Variants in EML1 observed in about 807,000 individuals in gnomAD.
EML1 encodes echinoderm microtubule-associated protein-like 1.
Under a neutral mutation model 110.4 loss-of-function variants are expected in EML1, and 27 were observed. The ratio of observed to expected loss-of-function variants is 0.24; its 90% CI spans 0.18 to 0.34. The LOEUF (loss-of-function observed/expected upper bound fraction) is 0.34. Among genes scored for constraint, EML1 ranks in the 10% least tolerant of loss-of-function variants. EML1 has a pLI of 1.00. For synonymous variants in EML1, 344 were observed against 385.8 expected (o/e 0.89, Z 1.27); for missense variants, 741 against 1,030.9 (o/e 0.72, Z 3.85).
intron 17 of EML1, among the ~76,000 whole-genome samples, chr14:99,921,979 G>A (rs533240941): frequency 5.9e-5 from 9 of 152,134 alleles, no homozygotes; most frequent in Middle Eastern, 3.4e-3. Flanking sequence ...TGGACATATC[G>A]TGTAAATGGA....
intron 15 of EML1, among the ~76,000 whole-genome samples, chr14:99,916,274 CACAG>C (rs1317783258): frequency 1.3e-5 from 2 of 152,234 alleles, no homozygotes; most frequent in Non-Finnish European, 2.9e-5. Flanking sequence ...AGATGAATGA[CACAG>C]ACAGAAGTGC....
At chr14:99,855,979 C>T (rs780978225) in intron 2 of EML1, among the ~76,000 whole-genome samples, 4 of 152,198 alleles carry the variant, frequency 2.6e-5, no homozygotes, top group Non-Finnish European at 5.9e-5. Flanking sequence ...GCACTTAACA[C>T]TGATATTCAG....
chr14:99,747,168 G>A (rs8008189), intron 1 of EML1, among the ~76,000 whole-genome samples: 138,548 of 141,312 alleles, frequency 0.98, 67,992 homozygotes, highest in Middle Eastern at 1. Flanking sequence ...AGCCTTGGTG[G>A]CAGAGCTAGA....
intron 1 of EML1, among the ~76,000 whole-genome samples, chr14:99,762,406 C>T (rs546736040): frequency 6.6e-6 from 1 of 152,306 alleles, no homozygotes; most frequent in South Asian, 2.1e-4. Context: ...CTCCTCCAGC[C>T]ATTAACCCCT....
intron 17 of EML1, 81 bp downstream of exon 17, chr14:99,920,958 C>G: frequency 7.5e-7 from 1 of 1,338,564 alleles, no homozygotes; most frequent in South Asian, 1.3e-5. Context: ...CAGGATGTGT[C>G]GGTTTGTTAC....
At chr14:99,741,222 G>A (rs1329020246) in intron 1 of EML1, among the ~76,000 whole-genome samples, 1 of 152,184 alleles carries the variant, frequency 6.6e-6, no homozygotes, top group African/African-American at 2.4e-5. Context: ...CTGCAGAAGT[G>A]TTCAGCCAGC....
intron 13 of EML1, among the ~76,000 whole-genome samples, chr14:99,913,085 C>T (rs1566934391): frequency 6.6e-6 from 1 of 152,084 alleles, no homozygotes; most frequent in Non-Finnish European, 1.5e-5. Context: ...TAGATTATTC[C>T]ATATGTTTAT....
At chr14:99,758,485 G>GGGGGTTC in intron 1 of EML1, among the ~76,000 whole-genome samples, 1 of 152,214 alleles carries the variant, frequency 6.6e-6, no homozygotes, top group South Asian at 2.1e-4. Flanking sequence ...GTTCAGGGCA[G>GGGGGTTC]AGGTTTCAGT....
chr14:99,787,538 CA>C (rs1349025627), intron 1 of EML1, among the ~76,000 whole-genome samples: 1 of 152,094 alleles, frequency 6.6e-6, no homozygotes, highest in Admixed American at 6.6e-5. Context: ...CTTGGCCTCC[CA>C]AAGTGCTGGT....
intron 1 of EML1, among the ~76,000 whole-genome samples, 179 bp downstream of exon 1, chr14:99,793,722 G>A (rs1255843530): frequency 6.8e-6 from 1 of 146,510 alleles, no homozygotes; most frequent in South Asian, 2.1e-4. Flanking sequence ...TGTTGGAGCC[G>A]CGGGGCCGCG....
intron 1 of EML1, among the ~76,000 whole-genome samples, chr14:99,786,226 T>G (rs1265267593): frequency 6.6e-6 from 1 of 152,138 alleles, no homozygotes; most frequent in South Asian, 2.1e-4. Flanking sequence ...AAGGATCTGG[T>G]TGGGTGGAAT....
At chr14:99,863,493 C>T (rs1040394464) in intron 2 of EML1, among the ~76,000 whole-genome samples, 1 of 152,210 alleles carries the variant, frequency 6.6e-6, no homozygotes, top group African/African-American at 2.4e-5. Flanking sequence ...CCCTAGAAGA[C>T]TTCCTGTATG....
exon 1 of EML1, chr14:99,737,850 C>G: frequency 7.8e-7 from 1 of 1,289,252 alleles, no homozygotes; most frequent in Non-Finnish European, 1.0e-6. Context: ...ACGGCGAGGG[C>G]CCCTCCGCCG....
At chr14:99,739,117 A>AGTGT (rs1447642844) in intron 1 of EML1, among the ~76,000 whole-genome samples, 903 of 64,078 alleles carry the variant, frequency 0.014, 6 homozygotes, top group African/African-American at 0.039. Context: ...AGAGAGAGAG[A>AGTGT]GAGTGTGTGT....
Position 99,939,985 on chromosome 14 carries a change from A to G in EML1, c.2323-2A>G. 1.3e-6 allele frequency: 2 copies of G among 1,571,530 alleles called. No individual in the cohort carries two copies. Among genetic ancestry groups the G allele is most frequent in the Non-Finnish European group, 1.7e-6 (2 of 1,159,136 alleles). On this transcript the variant is annotated splice_acceptor_variant, in intron 21 of 21. Transcript: ENST00000262233. LOFTEE classifies it high-confidence loss of function. The surrounding 1 kb of genome is among the most constrained non-coding windows in gnomAD (Gnocchi z 4.2). ...AGCTTTCCCCCGTATCATTCCCTCC[A>G]GGCTCCAAGCCACATCTACGGCGGG...
Position 99,778,681 on chromosome 14 carries a change from G to C in EML1, c.-27+4668G>C, listed in dbSNP as rs929171897. On this transcript the variant is annotated intron_variant, in intron 1 of 22. Transcript: ENST00000327921. ...GGAGGCACAGAAGAGCTAAGTTTTT[G>C]AGATCTTGTGTGACTAGAAATGTCT... Among the ~76,000 whole-genome samples the C allele has an allele frequency of 2.6e-5, 4 of 152,180 alleles. No individual in the cohort carries two copies. The South Asian group carries it at 6.2e-4, about 24-fold the overall frequency.
intron 13 of EML1, among the ~76,000 whole-genome samples, chr14:99,913,229 T>C (rs2059975502): frequency 6.6e-6 from 1 of 152,140 alleles, no homozygotes; most frequent in African/African-American, 2.4e-5. Flanking sequence ...TCACCCAGGC[T>C]GGAGTGCAGT....
At chr14:99,786,620 T>C (rs2093521211) in intron 1 of EML1, among the ~76,000 whole-genome samples, 1 of 152,202 alleles carries the variant, frequency 6.6e-6, no homozygotes, top group Non-Finnish European at 1.5e-5. Context: ...GGCACAGCAC[T>C]GGCCAAAGTT....
At chr14:99,813,119 T>C (rs2058108752) in intron 1 of EML1, among the ~76,000 whole-genome samples, 2 of 152,134 alleles carry the variant, frequency 1.3e-5, no homozygotes, top group African/African-American at 4.8e-5. Flanking sequence ...TAATCTTGTT[T>C]TGCCAAGCAG....
Sources: gnomAD v4.1 joint callset for allele counts (sites outside exome capture counted in the v4.1 genomes callset) on GRCh38, gnomAD v4.1.1 for gene constraint, Gnocchi (gnomAD v3.1) non-coding constraint, MANE v1.5 for transcripts, NCBI Gene and HGNC (gene_info 2026-07-23, HGNC 2026-07-21) for gene names.